BEGAIN: variants seen among roughly 807,000 people sequenced by gnomAD.
BEGAIN encodes the protein brain enriched guanylate kinase associated, also known as brain-enriched guanylate kinase-associated protein.
BEGAIN carries 19 observed loss-of-function variants against 35.8 expected under a neutral mutation model. The observed-to-expected ratio is 0.53, with a 90% CI of 0.37 to 0.78. BEGAIN has a LOEUF of 0.78. Ranked by LOEUF, BEGAIN falls within the 30% of genes least tolerant of loss-of-function variation. BEGAIN has a pLI of 0.00. For missense variants in BEGAIN, 795 were observed against 853.6 expected (o/e 0.93, Z 0.85); for synonymous variants, 462 against 388.6 (o/e 1.19, Z -2.22).
At chr14:100,560,631 G>A (rs748032245) in intron 2 of BEGAIN, among the ~76,000 whole-genome samples, 14 of 152,246 alleles carry the variant, frequency 9.2e-5, no homozygotes, top group Admixed American at 5.9e-4. Context: ...CTGCTTCCCC[G>A]GTCCGGCCAG....
Position 100,537,896 on chromosome 14 carries a change from G to C in BEGAIN, c.*73C>G. The C allele has an allele frequency of 6.6e-6, 10 of 1,506,498 alleles. No individual in the cohort carries two copies. In the South Asian group the frequency reaches 1.2e-4, roughly 18 times the overall value. 93.3% of individuals were successfully genotyped at this position (1,506,498 alleles called of 1,614,324 possible). ...GCAGGGGAACAGCGGGGGCTGGGGA[G>C]AGGTGAGGCCGGCCCTTCTGGGGCA... On this transcript the variant is annotated 3_prime_UTR_variant, in exon 7 of 7. Coordinates refer to ENST00000554140, the MANE Select transcript of BEGAIN (RefSeq NM_001385089.1).
intron 2 of BEGAIN, chr14:100,548,081 G>C (rs34076421): frequency 0.56 from 85,510 of 152,134 alleles, 27,672 homozygotes; most frequent in African/African-American, 0.89. Context: ...AGAAGGGCAG[G>C]GCGGGTCTTC....
chr14:100,569,238 G>A (rs1323512379), intron 1 of BEGAIN, among the ~76,000 whole-genome samples: 2 of 152,182 alleles, frequency 1.3e-5, no homozygotes, highest in African/African-American at 4.8e-5. Context: ...GGTGGGGGAA[G>A]GAATTTCAGG....
In BEGAIN at chr14:100,563,706, T is replaced by A. The variant is rs1331544654; in HGVS notation, c.71+4205A>T. Among the ~76,000 whole-genome samples, 1 of 152,206 alleles carries A rather than the reference T, an allele frequency of 6.6e-6. No homozygotes were observed. The highest frequency in any genetic ancestry group is 1.5e-5 in the Non-Finnish European group (1 of 68,038). On this transcript the variant is annotated intron_variant, in intron 2 of 6. Transcript: ENST00000554140. This position sits in a 1 kb window ranked among gnomAD's most constrained non-coding sequence, Gnocchi z 4.2. ...GCACCCTGTGCCCCGGAGGTTCCAC[T>A]GAGGGTGCACACCCAGAATCGCAGC...
rs1250874248 is a variant in BEGAIN at position 100,568,607 on chromosome 14, C to G, written c.43-668G>C. ...GGCTCCCTGCCTTGCTTGCGCAGAC[C>G]CGCCCGCGCGCGGCTTGGAGACCCT... On this transcript the variant is annotated intron_variant, in intron 1 of 6. Transcript: ENST00000554140. The surrounding 1 kb of genome is among the most constrained non-coding windows in gnomAD (Gnocchi z 7.5). 1 of 1,032,176 alleles carries G rather than the reference C, an allele frequency of 9.7e-7. No homozygotes were observed. The highest frequency in any genetic ancestry group is 1.3e-6 in the Non-Finnish European group (1 of 785,722). The allele number at this position is 1,032,176 out of a possible 1,614,324, so 63.9% of individuals were successfully genotyped here. A position where few individuals can be genotyped will look rare whatever the true frequency, so the allele number is the denominator to read the frequency against.
rs766270735 is a variant in BEGAIN, at chr14:100,543,849, G to C, written c.408+9C>G. ...AGTCTTCCATGGGCCAAGTGTGTGCGGCACTCACGTTGTCCTCTGACAGCT... is the reference window on the plus strand; with the variant it reads ...AGTCTTCCATGGGCCAAGTGTGTGCCGCACTCACGTTGTCCTCTGACAGCT... On this transcript the variant is annotated intron_variant, in intron 5 of 6. Transcript: ENST00000554140. 2 of 1,608,030 alleles carry C rather than the reference G, an allele frequency of 1.2e-6. No individual in the cohort carries two copies. The highest frequency in any genetic ancestry group is 2.2e-5 in the South Asian group (2 of 90,372).
rs1400787732 is a variant in BEGAIN, at chr14:100,563,128, C to G, written c.71+4783G>C. On this transcript the variant is annotated intron_variant, in intron 2 of 6. Coordinates refer to ENST00000554140, the MANE Select transcript of BEGAIN (RefSeq NM_001385089.1). The surrounding 1 kb of genome is among the most constrained non-coding windows in gnomAD (Gnocchi z 4.2). ...TCCCTGGGACATCAGCCTGGCACTT[C>G]TGCAGAGTGTCTCAGCCTGGACAAG... Among the ~76,000 whole-genome samples the G allele has an allele frequency of 6.6e-6, 1 of 152,234 alleles. No homozygotes were observed. Among genetic ancestry groups the G allele is most frequent in the Non-Finnish European group, 1.5e-5 (1 of 68,046 alleles).
At position 100,586,381 on chromosome 14, in the gene BEGAIN, G is replaced by A. The variant is rs1468613641; in HGVS notation, c.42+868C>T. Among the ~76,000 whole-genome samples, 7 of 152,306 alleles carry A rather than the reference G, an allele frequency of 4.6e-5. No homozygotes were observed. The South Asian group carries it at 1.5e-3, about 32-fold the overall frequency. ...GACCTTGGCCATGCGGACTTTGCACGTGCAGTGCTCCCTATCCATCCGGCC... is the reference window on the plus strand; with the variant it reads ...GACCTTGGCCATGCGGACTTTGCACATGCAGTGCTCCCTATCCATCCGGCC... On this transcript the variant is annotated intron_variant, in intron 1 of 6. Coordinates refer to ENST00000554140, the MANE Select transcript of BEGAIN (RefSeq NM_001385089.1). This position sits in a 1 kb window ranked among gnomAD's most constrained non-coding sequence, Gnocchi z 4.9.
At chr14:100,577,231 G>C in intron 1 of BEGAIN, 1 of 398,462 alleles carries the variant, frequency 2.5e-6, no homozygotes, top group East Asian at 3.6e-5. Flanking sequence ...GGTGTGGGGA[G>C]GGAACTCGGA....
At chr14:100,585,460 T>TCATC (rs1047619236) in intron 1 of BEGAIN, among the ~76,000 whole-genome samples, 16 of 124,486 alleles carry the variant, frequency 1.3e-4, no homozygotes, top group African/African-American at 5.2e-4. Flanking sequence ...ATCCATCCAT[T>TCATC]CATCCATCCA....
chr14:100,544,901 T>A, intron 4 of BEGAIN, 99 bp downstream of exon 4: 1 of 1,187,336 alleles, frequency 8.4e-7, no homozygotes, highest in Non-Finnish European at 1.2e-6. Context: ...CAGCAAGACC[T>A]GTGTCCCAGC....
chr14:100,568,468 G>A lies in BEGAIN; in HGVS notation c.43-529C>T. On this transcript the variant is annotated intron_variant, in intron 1 of 6. Coordinates refer to ENST00000554140, the MANE Select transcript of BEGAIN (RefSeq NM_001385089.1). This position sits in a 1 kb window ranked among gnomAD's most constrained non-coding sequence, Gnocchi z 7.5. Reference sequence around the variant, plus strand: ...ACACAATCCGAGGGCGATGGCATTTGGAGCCTCGACTCCTCAATCAGGGAC... The same window carrying A: ...ACACAATCCGAGGGCGATGGCATTTAGAGCCTCGACTCCTCAATCAGGGAC... 4 of 1,286,404 alleles carry A rather than the reference G, an allele frequency of 3.1e-6. No homozygotes were observed. Among genetic ancestry groups the A allele is most frequent in the Non-Finnish European group, 4.1e-6 (4 of 987,270 alleles). 79.7% of individuals were successfully genotyped at this position (1,286,404 alleles called of 1,614,324 possible).
Position 100,586,909 on chromosome 14 carries a change from T to C in BEGAIN, c.42+340A>G, listed in dbSNP as rs2035456751. ...GCCCGGGACAGCGGCGGGTCCCCAG[T>C]CCTCCGGCCGCGCCCTTGGTCACCC... On this transcript the variant is annotated intron_variant, in intron 1 of 6. Coordinates refer to ENST00000554140, the MANE Select transcript of BEGAIN (RefSeq NM_001385089.1). The surrounding 1 kb of genome is among the most constrained non-coding windows in gnomAD (Gnocchi z 4.9). Among the ~76,000 whole-genome samples, 1 of 151,752 alleles carries C rather than the reference T, an allele frequency of 6.6e-6. No individual in the cohort carries two copies. Among genetic ancestry groups the C allele is most frequent in the Non-Finnish European group, 1.5e-5 (1 of 67,890 alleles).
Position 100,538,630 on chromosome 14 carries a change from G to C in BEGAIN, c.1178C>G (p.Pro393Arg). Residue 393 changes from proline (P) to arginine (R), a missense_variant, in exon 7 of 7, where the codon CCG becomes CGG. This residue lies in a region of BEGAIN where 664 missense variants were observed against 647.7 expected (regional missense o/e 1.03). Coordinates refer to ENST00000554140, the MANE Select transcript of BEGAIN (RefSeq NM_001385089.1). The stretch of plus-strand genomic sequence containing the variant: ...GAAGCGGAAGGTCTCGGCCGGGTAC[G>C]GTGACATGGTCCGCCCGAAGCCTGG... The part of the protein sequence containing the change: ...VAPGFGRTMS[P>R]YPAETFRFPA... 6.5e-7 allele frequency: 1 copy of C among 1,549,632 alleles called. No individual in the cohort carries two copies. Among genetic ancestry groups the C allele is most frequent in the South Asian group, 1.2e-5 (1 of 84,046 alleles).
Position 100,537,938 on chromosome 14 carries a change from G to A in BEGAIN, c.*31C>T, listed in dbSNP as rs545304972. 16 of 1,576,218 alleles carry A rather than the reference G, an allele frequency of 1.0e-5. No individual in the cohort carries two copies. In the South Asian group the frequency reaches 1.5e-4, roughly 15 times the overall value. On this transcript the variant is annotated 3_prime_UTR_variant, in exon 7 of 7. Transcript: ENST00000554140. The stretch of plus-strand genomic sequence containing the variant: ...TCTGGGGCACGTGGGCTGGCGGGGA[G>A]CGAACCACGGCCAGGCCTGCACGCA...
chr14:100,577,975 C>G (rs1186316848), intron 1 of BEGAIN: 6 of 399,162 alleles, frequency 1.5e-5, no homozygotes, highest in East Asian at 1.1e-4. Context: ...GTCCAAGGTC[C>G]GGGCTCCCCA....
chr14:100,538,680 C>A lies in BEGAIN; in HGVS notation c.1128G>T (p.Ala376=), dbSNP rs975250511. Residue 376 remains alanine (A), a synonymous_variant, in exon 7 of 7, where the codon GCG becomes GCT. Coordinates refer to ENST00000554140, the MANE Select transcript of BEGAIN (RefSeq NM_001385089.1). ...PRFAKATAAV[A]APLEAEVAPG... The stretch of plus-strand genomic sequence containing the variant: ...GGGCCACTTCGGCCTCCAGCGGGGC[C>A]GCCACCGCGGCCGTGGCCTTGGCAA... 2 of 1,552,200 alleles carry A rather than the reference C, an allele frequency of 1.3e-6. No individual in the cohort carries two copies. Among genetic ancestry groups the A allele is most frequent in the African/African-American group, 1.4e-5 (1 of 73,228 alleles).
In BEGAIN at chr14:100,558,255, C is replaced by T. The variant is rs991339358; in HGVS notation, c.71+9656G>A. On this transcript the variant is annotated intron_variant, in intron 2 of 6. Transcript: ENST00000554140. This position sits in a 1 kb window ranked among gnomAD's most constrained non-coding sequence, Gnocchi z 4.6. ...AGCCTGCCGGGATGGGACCAATGCC[C>T]ACCAGGATCTTGTCCCCTCCATGTC... is the stretch of plus-strand genomic sequence containing the variant. 2.0e-5 allele frequency among the ~76,000 whole-genome samples: 3 copies of T among 152,156 alleles called. No individual in the cohort carries two copies. The highest frequency in any genetic ancestry group is 7.2e-5 in the African/African-American group (3 of 41,430).
intron 5 of BEGAIN, among the ~76,000 whole-genome samples, 158 bp downstream of exon 5, chr14:100,543,700 C>T (rs1472784565): frequency 6.6e-6 from 1 of 152,252 alleles, no homozygotes; most frequent in Non-Finnish European, 1.5e-5. Context: ...ACCAGCCTGT[C>T]CATCCACCTG....
Sources: gnomAD v4.1 joint callset for allele counts (sites outside exome capture counted in the v4.1 genomes callset) on GRCh38, gnomAD v4.1.1 for gene constraint, gnomAD v4.1.1 regional missense constraint, Gnocchi (gnomAD v3.1) non-coding constraint, MANE v1.5 for transcripts, NCBI Gene and HGNC (gene_info 2026-07-23, HGNC 2026-07-21) for gene names.